The following SIK3 variants were observed in gnomAD, a reference collection of about 807,000 sequenced individuals.
SIK3 encodes SIK family kinase 3.
A neutral mutation model predicts 144.2 loss-of-function variants in SIK3; 28 were observed. The observed-to-expected ratio is 0.19, with a 90% confidence interval of 0.14 to 0.27. The LOEUF is 0.27. Ranked by LOEUF, SIK3 falls within the 10% of genes least tolerant of loss-of-function variation. The pLI, the probability that SIK3 is intolerant of heterozygous loss-of-function variation, is 1.00. For missense variants in SIK3, 1,319 were observed against 1,776.0 expected (o/e 0.74, Z 4.62); for synonymous variants, 686 against 676.3 (o/e 1.01, Z -0.22).
At chr11:116,909,773 G>A (rs1946240468) in intron 4 of SIK3, among the ~76,000 whole-genome samples, 1 of 152,024 alleles carries the variant, frequency 6.6e-6, no homozygotes, top group African/African-American at 2.4e-5. Context: ...GACTAACTAA[G>A]AACAGAGAGG....
intron 1 of SIK3, among the ~76,000 whole-genome samples, chr11:117,071,242 C>T (rs747771272): frequency 2.6e-5 from 4 of 151,156 alleles, no homozygotes; most frequent in Non-Finnish European, 5.9e-5. Context: ...ATACTCTAGC[C>T]AGTAAAACAA....
chr11:117,076,155 T>C (rs1178983564), intron 1 of SIK3, among the ~76,000 whole-genome samples: 1 of 152,000 alleles, frequency 6.6e-6, no homozygotes, highest in Non-Finnish European at 1.5e-5. Context: ...GGCCAGTTAC[T>C]GATACTCGTA....
chr11:116,876,831 C>T lies in SIK3; in HGVS notation c.984+93G>A, dbSNP rs191449055. The T allele has an allele frequency of 1.9e-3, 1,862 of 1,006,438 alleles. 32 individuals carry two copies. In the Admixed American group the frequency reaches 0.031, roughly 17 times the overall value. 62.3% of individuals were successfully genotyped at this position (1,006,438 alleles called of 1,614,324 possible). A position where few individuals can be genotyped will look rare whatever the true frequency, so the allele number is the denominator to read the frequency against. On this transcript the variant is annotated intron_variant, in intron 7 of 24. Coordinates refer to ENST00000445177, the MANE Select transcript of SIK3 (RefSeq NM_001366686.3). ...TACATAATAGTTTGTTCCCAGTGTC[C>T]GCCTTTCAGGTTATGGCCTGATTAC...
chr11:116,938,549 AGGGG>A (rs1948083168), intron 3 of SIK3, among the ~76,000 whole-genome samples: 1 of 1,658 alleles, frequency 6.0e-4, no homozygotes, highest in Middle Eastern at 0.25. Context: ...AGGGGAGGGG[AGGGG>A]AGGGGAGGGG....
chr11:117,057,423 T>C (rs1953586596), intron 1 of SIK3, among the ~76,000 whole-genome samples: 1 of 152,098 alleles, frequency 6.6e-6, no homozygotes, highest in African/African-American at 2.4e-5. Context: ...TTGGAAGCAG[T>C]GGGGAGGAAA....
intron 21 of SIK3, among the ~76,000 whole-genome samples, chr11:116,852,341 C>T (rs1280041883): frequency 1.3e-5 from 2 of 152,188 alleles, no homozygotes; most frequent in African/African-American, 4.8e-5. Context: ...CCTGTAGGCA[C>T]CAAGACAGAG....
intron 1 of SIK3, among the ~76,000 whole-genome samples, chr11:116,997,190 C>T (rs1277770375): frequency 6.6e-6 from 1 of 152,208 alleles, no homozygotes; most frequent in Non-Finnish European, 1.5e-5. Context: ...TTGCCATACA[C>T]TTGACTCCTT....
At chr11:116,877,170 T>G in intron 6 of SIK3, 128 bp from the exon 7 acceptor site, 1 of 764,138 alleles carries the variant, frequency 1.3e-6, no homozygotes, top group East Asian at 2.5e-5. Flanking sequence ...TCTCTTGCTC[T>G]TTGATCCTTA....
chr11:117,090,101 C>G (rs1955177479), intron 1 of SIK3, among the ~76,000 whole-genome samples: 3 of 152,218 alleles, frequency 2.0e-5, no homozygotes, highest in Admixed American at 2.0e-4. Context: ...TGAGACTTCT[C>G]AAGGACATTG....
intron 5 of SIK3, 68 bp from the exon 6 acceptor site, chr11:116,896,444 T>G: frequency 1.3e-6 from 2 of 1,540,324 alleles, no homozygotes; most frequent in South Asian, 2.3e-5. Flanking sequence ...TACTGTAGTG[T>G]GTGTATGCAG....
chr11:116,863,587 C>T (rs370221689), intron 16 of SIK3, 81 bp downstream of exon 16: 63 of 1,582,562 alleles, frequency 4.0e-5, no homozygotes, highest in Admixed American at 6.8e-5. Flanking sequence ...AAAAGGGGTA[C>T]GTTTACCACC....
intron 1 of SIK3, among the ~76,000 whole-genome samples, chr11:117,033,870 T>C (rs1952378856): frequency 6.6e-6 from 1 of 152,064 alleles, no homozygotes; most frequent in South Asian, 2.1e-4. Context: ...CACCAACTGG[T>C]TCTTCAACCA....
At chr11:116,946,739 C>A (rs913769636) in intron 3 of SIK3, among the ~76,000 whole-genome samples, 6 of 152,202 alleles carry the variant, frequency 3.9e-5, no homozygotes, top group African/African-American at 1.4e-4. Context: ...TCCCTTCTTT[C>A]CTTCAGAGCA....
At chr11:116,954,524 G>A (rs2289892) in intron 2 of SIK3, among the ~76,000 whole-genome samples, 10,960 of 151,128 alleles carry the variant, frequency 0.073, 492 homozygotes, top group Middle Eastern at 0.11. Context: ...GAAAATAATG[G>A]GAGTCACATA....
intron 4 of SIK3, among the ~76,000 whole-genome samples, chr11:116,908,446 T>C (rs1483181158): frequency 6.6e-6 from 1 of 152,126 alleles, no homozygotes; most frequent in African/African-American, 2.4e-5. Flanking sequence ...GCCACTGCAC[T>C]GCAGCCTGGG....
intron 1 of SIK3, among the ~76,000 whole-genome samples, chr11:117,065,911 T>C (rs1265072495): frequency 6.6e-6 from 1 of 152,032 alleles, no homozygotes; most frequent in Non-Finnish European, 1.5e-5. Context: ...CAATTACAGG[T>C]GTGAGCCGCC....
chr11:116,889,379 T>C (rs921399808), intron 6 of SIK3, among the ~76,000 whole-genome samples: 4 of 151,092 alleles, frequency 2.6e-5, no homozygotes, highest in Non-Finnish European at 4.4e-5. Flanking sequence ...GACTGGGCAA[T>C]GTAGTGAGAC....
chr11:116,980,608 T>G (rs1950106376), intron 1 of SIK3, among the ~76,000 whole-genome samples: 1 of 152,164 alleles, frequency 6.6e-6, no homozygotes, highest in African/African-American at 2.4e-5. Flanking sequence ...ATGCCAGCAC[T>G]TCGGGAGGCC....
chr11:117,073,838 T>C (rs1954385289), intron 1 of SIK3, among the ~76,000 whole-genome samples: 2 of 152,240 alleles, frequency 1.3e-5, no homozygotes, highest in Non-Finnish European at 2.9e-5. Flanking sequence ...GTTATCTCCT[T>C]ACCATTAACA....
Sources: gnomAD v4.1 joint callset for allele counts (sites outside exome capture counted in the v4.1 genomes callset) on GRCh38, gnomAD v4.1.1 for gene constraint, MANE v1.5 for transcripts, NCBI Gene and HGNC (gene_info 2026-07-23, HGNC 2026-07-21) for gene names.